Variants in PRKAA1 observed in about 807,000 individuals in gnomAD.
PRKAA1 encodes 5'-AMP-activated protein kinase catalytic subunit alpha-1.
A neutral mutation model predicts 56.9 loss-of-function variants in PRKAA1; 23 were observed. The ratio of observed to expected loss-of-function variants is 0.40; its 90% confidence interval spans 0.29 to 0.57. The LOEUF (loss-of-function observed/expected upper bound fraction) is 0.57. Ranked by LOEUF, PRKAA1 falls within the 20% of genes least tolerant of loss-of-function variation. The probability of loss-of-function intolerance (pLI) is 0.39; values close to 1 mark genes in which losing one functional copy is unlikely to be tolerated. For synonymous variants in PRKAA1, 226 were observed against 227.0 expected, an observed-to-expected ratio of 1.00 and a Z score of 0.04; for missense variants, 413 against 679.7, an observed-to-expected ratio of 0.61 and a Z score of 4.36.
intron 1 of PRKAA1, among the ~76,000 whole-genome samples, chr5:40,791,694 G>A (rs901114038): frequency 6.6e-6 from 1 of 152,162 alleles, no homozygotes; most frequent in Non-Finnish European, 1.5e-5. Context: ...CTGGGGAAGG[G>A]TGGGCTTTAA....
chr5:40,798,182 C>G lies in PRKAA1; in HGVS notation c.8G>C (p.Arg3Thr). 1 of 1,426,188 alleles carries G rather than the reference C, an allele frequency of 7.0e-7. No homozygotes were observed. 88.3% of individuals were successfully genotyped at this position (1,426,188 alleles called of 1,614,324 possible). A position where few individuals can be genotyped will look rare whatever the true frequency, so the allele number is the denominator to read the frequency against. MRRLSSWRKMATA... is the reference protein window; with the variant it reads MRTLSSWRKMATA... ...CGCCATCTTTCTCCAGGAACTGAGT[C>G]TGCGCATGGCGCTGCGGGAGGGGGC... Residue 3 changes from arginine (R) to threonine (T), a missense_variant, in exon 1 of 9, where the codon AGA becomes ACA. This residue lies in a region of PRKAA1 where 61 missense variants were observed against 73.1 expected (regional missense o/e 0.83). Transcript: ENST00000397128.
chr5:40,775,397 C>A lies in PRKAA1; in HGVS notation c.363+13G>T, dbSNP rs72747978. 33 of 1,566,028 alleles carry A rather than the reference C, an allele frequency of 2.1e-5. No homozygotes were observed. The East Asian group carries it at 7.4e-4, about 35-fold the overall frequency. ...TTACAAAATACATACAGAATTAAAG[C>A]AGAACAGCTTACCCTTCCATTCTTA... On this transcript the variant is annotated intron_variant, in intron 3 of 8. Transcript: ENST00000397128.
intron 1 of PRKAA1, among the ~76,000 whole-genome samples, chr5:40,793,828 C>T (rs893805772): frequency 6.6e-6 from 1 of 152,066 alleles, no homozygotes; most frequent in African/African-American, 2.4e-5. Context: ...CAGCCCAGCA[C>T]GGTGGTTCAG....
Position 40,762,897 on chromosome 5 carries a change from G to A in PRKAA1, c.1561C>T (p.Leu521Phe), listed in dbSNP as rs1198216596. 6.2e-7 allele frequency: 1 copy of A among 1,614,212 alleles called. No individual in the cohort carries two copies. Among genetic ancestry groups the A allele is most frequent in the South Asian group, 1.1e-5 (1 of 91,092 alleles). The part of the protein sequence containing the change: ...EAQGKSSEVS[L>F]TSSVTSLDSS... Reference sequence around the variant, plus strand: ...TCAAGTGAGGTCACAGATGAGGTAAGAGAAACTTCTGAGGATTTTCCTTGA... The same window carrying A: ...TCAAGTGAGGTCACAGATGAGGTAAAAGAAACTTCTGAGGATTTTCCTTGA... Residue 521 changes from leucine (L) to phenylalanine (F), a missense_variant, in exon 9 of 9, where the codon CTT becomes TTT. Leu to Phe is a conservative substitution (Grantham distance 22, BLOSUM62 0). Coordinates refer to ENST00000397128, the MANE Select transcript of PRKAA1 (RefSeq NM_006251.6).
chr5:40,769,782 GT>G (rs1453347243), intron 4 of PRKAA1, among the ~76,000 whole-genome samples: 1 of 140,996 alleles, frequency 7.1e-6, no homozygotes, highest in African/African-American at 2.6e-5. Context: ...CCATGTTTAA[GT>G]TTTATTAATA....
chr5:40,791,022 G>A (rs1302829897), intron 1 of PRKAA1, among the ~76,000 whole-genome samples: 4 of 152,146 alleles, frequency 2.6e-5, no homozygotes, highest in South Asian at 2.1e-4. Flanking sequence ...CAGGTCTTCC[G>A]ACTCCCAAGT....
intron 2 of PRKAA1, chr5:40,777,240 T>G: frequency 2.4e-6 from 1 of 409,858 alleles, no homozygotes; most frequent in Non-Finnish European, 4.3e-6. Context: ...CTCGAACTCC[T>G]GACCTCAGGT....
chr5:40,775,482 T>C lies in PRKAA1; in HGVS notation c.291A>G (p.Pro97=), dbSNP rs1339133549. 3.1e-6 allele frequency: 5 copies of C among 1,604,632 alleles called. No homozygotes were observed. The Admixed American group carries it at 5.0e-5, about 16-fold the overall frequency. ...ATTCCATCACCATGAAAATATCAGA[T>C]GGTGTACTGATGACCTGGTACCTGG... ...IIKLYQVIST[P]SDIFMVMEYV... is the part of the protein sequence containing the mutation. Residue 97 remains proline, a synonymous_variant, in exon 3 of 9, where the codon CCA becomes CCG. Transcript: ENST00000397128.
chr5:40,778,418 G>C (rs1049377760), intron 1 of PRKAA1, among the ~76,000 whole-genome samples: 3 of 152,176 alleles, frequency 2.0e-5, no homozygotes, highest in Non-Finnish European at 4.4e-5. Context: ...ATTGGTAACA[G>C]TGGTTTCTTC....
Position 40,760,095 on chromosome 5 carries a change from G to T in PRKAA1, c.*2683C>A. On this transcript the variant is annotated 3_prime_UTR_variant, in exon 9 of 9. Coordinates refer to ENST00000397128, the MANE Select transcript of PRKAA1 (RefSeq NM_006251.6). ...CACAAAAAATATAAACTGCTGAAAA[G>T]ATAATAAAAAAAGATTAAAAATCAT... The T allele has an allele frequency of 6.5e-6, 1 of 152,690 alleles. No homozygotes were observed. Among genetic ancestry groups the T allele is most frequent in the East Asian group, 1.9e-4 (1 of 5,312 alleles). The allele number at this position is 152,690 out of a possible 1,614,324, so 9.5% of individuals were successfully genotyped here.
rs754666825 is a variant in PRKAA1, at chr5:40,767,681, T to G, written c.606A>C (p.Ala202=). 11 of 1,605,590 alleles carry G rather than the reference T, an allele frequency of 6.9e-6. No individual in the cohort carries two copies. The highest frequency in any genetic ancestry group is 9.4e-6 in the Non-Finnish European group (11 of 1,173,660). Residue 202 remains alanine (A), a synonymous_variant, in exon 6 of 9, where the codon GCA becomes GCC. Coordinates refer to ENST00000397128, the MANE Select transcript of PRKAA1 (RefSeq NM_006251.6). Reference sequence around the variant, plus strand: ...TGCTCCATATATCTACCTCTGGGCCTGCATACAATCTGTAACAGGAAATAA... The same window carrying G: ...TGCTCCATATATCTACCTCTGGGCCGGCATACAATCTGTAACAGGAAATAA... ...APEVISGRLY[A]GPEVDIWSSG...
chr5:40,775,631 A>G, intron 2 of PRKAA1, 128 bp from the exon 3 acceptor site: 1 of 666,784 alleles, frequency 1.5e-6, no homozygotes. Flanking sequence ...GGAAACAAAA[A>G]TTCTCTGCTC....
Position 40,765,115 on chromosome 5 carries a change from T to C in PRKAA1, c.945A>G (p.Glu315=), listed in dbSNP as rs56138995. 4,299 of 1,614,196 alleles carry C rather than the reference T, an allele frequency of 2.7e-3. 60 individuals are homozygous for C. The Middle Eastern group carries it at 0.037, about 14-fold the overall frequency. ...TGTAAAGACAGCTGAGAACTTCCTC[T>C]TCTGAGCACTCAAACTTTTCACATA... ...KEVCEKFECS[E]EEVLSCLYNR... The change falls in exon 7 of 9, where the codon GAA becomes GAG. Residue 315 remains glutamate, a synonymous_variant. Coordinates refer to ENST00000397128, the MANE Select transcript of PRKAA1 (RefSeq NM_006251.6).
rs936038168 is a variant in PRKAA1, at chr5:40,767,797, T to C, written c.597-107A>G. ...TCATAAAGAATTCTTAAGCAGAATA[T>C]GGTTTTTATAGCCACTACTACATGT... On this transcript the variant is annotated intron_variant, in intron 5 of 8. Transcript: ENST00000397128. The C allele has an allele frequency of 9.4e-6, 9 of 959,584 alleles. No homozygotes were observed. In the East Asian group the frequency reaches 2.3e-4, roughly 25 times the overall value. The allele number at this position is 959,584 out of a possible 1,614,324, so 59.4% of individuals were successfully genotyped here.
At position 40,764,813 on chromosome 5, in the gene PRKAA1, C is replaced by T. The variant is rs747861746; in HGVS notation, c.1247G>A (p.Arg416Gln). ...KWHLGIRSQSRPNDIMAEVCR... is the reference protein window; with the variant it reads ...KWHLGIRSQSQPNDIMAEVCR... ...TACTTCTGCCATAATATCATTTGGTCGACTTTGACTTCTAATTCCTAAATG... is the reference window on the plus strand; with the variant it reads ...TACTTCTGCCATAATATCATTTGGTTGACTTTGACTTCTAATTCCTAAATG... The change falls in exon 7 of 9, where the codon CGA becomes CAA. Residue 416 changes from arginine to glutamine, a missense_variant. By Grantham distance (43) the Arg-to-Gln change is conservative. Coordinates refer to ENST00000397128, the MANE Select transcript of PRKAA1 (RefSeq NM_006251.6). The T allele has an allele frequency of 2.5e-5, 40 of 1,613,730 alleles. No individual in the cohort carries two copies. The highest frequency in any genetic ancestry group is 3.3e-5 in the South Asian group (3 of 91,042).
chr5:40,786,730 T>C (rs540226199), intron 1 of PRKAA1, among the ~76,000 whole-genome samples: 4 of 137,714 alleles, frequency 2.9e-5, no homozygotes, highest in Non-Finnish European at 4.6e-5. Context: ...CACTTGAGGT[T>C]AGGAGTTCAA....
chr5:40,774,611 G>T (rs918880023), intron 3 of PRKAA1, among the ~76,000 whole-genome samples: 4 of 138,102 alleles, frequency 2.9e-5, no homozygotes, highest in Non-Finnish European at 6.1e-5. Context: ...ACCTGAAATA[G>T]AAATGAATCA....
chr5:40,775,619 C>G, intron 2 of PRKAA1, 116 bp from the exon 3 acceptor site: 1 of 758,146 alleles, frequency 1.3e-6, no homozygotes, highest in Non-Finnish European at 2.1e-6. Context: ...AGAAAAACTG[C>G]AGGAAACAAA....
At position 40,759,686 on chromosome 5, in the gene PRKAA1, C is replaced by G. The variant is rs926568754; in HGVS notation, c.*3092G>C. 1.3e-5 allele frequency: 2 copies of G among 152,344 alleles called. No individual in the cohort carries two copies. Among genetic ancestry groups the G allele is most frequent in the Admixed American group, 1.3e-4 (2 of 15,278 alleles). The allele number at this position is 152,344 out of a possible 1,614,324, so 9.4% of individuals were successfully genotyped here. On this transcript the variant is annotated 3_prime_UTR_variant, in exon 9 of 9. Transcript: ENST00000397128. Reference sequence around the variant, plus strand: ...AACACAGATCCATGGAGTTCCACATCTAGCCCCAGGCTACCAAGCATTAAT... The same window carrying G: ...AACACAGATCCATGGAGTTCCACATGTAGCCCCAGGCTACCAAGCATTAAT...
Sources: allele counts gnomAD v4.1 joint callset (sites outside exome capture counted in the v4.1 genomes callset), GRCh38; gene constraint gnomAD v4.1.1; regional missense constraint gnomAD v4.1.1; transcripts MANE v1.5; gene names NCBI Gene and HGNC (gene_info 2026-07-23, HGNC 2026-07-21).